ASAP1: variants seen among roughly 807,000 people sequenced by gnomAD.
ASAP1 encodes the protein ArfGAP with SH3 domain, ankyrin repeat and PH domain 1.
A neutral mutation model predicts 145.2 loss-of-function variants in ASAP1; 43 were observed. The observed-to-expected ratio is 0.30, with a 90% confidence interval of 0.23 to 0.38. The LOEUF is 0.38. ASAP1 is among the 10% of genes least tolerant of loss of function. ASAP1 has a pLI of 1.00. For missense variants in ASAP1, 1,018 were observed against 1,355.3 expected, an observed-to-expected ratio of 0.75 and a Z score of 3.91; for synonymous variants, 546 against 515.5, an observed-to-expected ratio of 1.06 and a Z score of -0.80.
In ASAP1 at chr8:130,358,938, T is replaced by C. The variant is rs886066343; in HGVS notation, c.60-795A>G. On this transcript the variant is annotated intron_variant, in intron 2 of 29. Coordinates refer to ENST00000518721, the MANE Select transcript of ASAP1 (RefSeq NM_018482.4). The surrounding 1 kb of genome is among the most constrained non-coding windows in gnomAD (Gnocchi z 4.1). The stretch of plus-strand genomic sequence containing the variant: ...GCCCAAAAAAGTTGTACGTGTTCTT[T>C]TTTAGTCGCGTGTGGGTGCAGGAAG... Among the ~76,000 whole-genome samples, 2 of 152,048 alleles carry C rather than the reference T, an allele frequency of 1.3e-5. No individual in the cohort carries two copies. The highest frequency in any genetic ancestry group is 2.9e-5 in the Non-Finnish European group (2 of 67,978).
intron 1 of ASAP1, among the ~76,000 whole-genome samples, chr8:130,418,564 A>C (rs1829584209): frequency 6.6e-6 from 1 of 151,664 alleles, no homozygotes; most frequent in African/African-American, 2.4e-5. Flanking sequence ...ATAAATAAAT[A>C]AATAAATAAA....
intron 2 of ASAP1, among the ~76,000 whole-genome samples, chr8:130,389,364 A>C (rs146065260): frequency 0.033 from 5,036 of 152,308 alleles, 105 homozygotes; most frequent in African/African-American, 0.064. Context: ...AGTCCAGGAC[A>C]AGGGAAAAAA....
intron 3 of ASAP1, among the ~76,000 whole-genome samples, chr8:130,296,456 T>C (rs567267832): frequency 9.7e-4 from 147 of 151,632 alleles, no homozygotes; most frequent in Non-Finnish European, 1.7e-3. Flanking sequence ...TGTGGAGGGA[T>C]TGGTAAGCAG....
At chr8:130,408,120 C>T (rs1175253908) in intron 1 of ASAP1, among the ~76,000 whole-genome samples, 1 of 152,218 alleles carries the variant, frequency 6.6e-6, no homozygotes, top group Non-Finnish European at 1.5e-5. Flanking sequence ...ACTTTCCCAG[C>T]CCAGTAATCT....
At chr8:130,199,950 T>A (rs1019812835) in intron 5 of ASAP1, among the ~76,000 whole-genome samples, 1 of 152,252 alleles carries the variant, frequency 6.6e-6, no homozygotes, top group Non-Finnish European at 1.5e-5. Flanking sequence ...ATGTTCACTA[T>A]GAAACTTCTG....
At chr8:130,130,402 A>G (rs2097581205) in intron 15 of ASAP1, among the ~76,000 whole-genome samples, 1 of 152,198 alleles carries the variant, frequency 6.6e-6, no homozygotes, top group Admixed American at 6.5e-5. Context: ...AAATAAATAA[A>G]GAAGTTTGTC....
chr8:130,092,494 G>C (rs1168390827), intron 24 of ASAP1, among the ~76,000 whole-genome samples: 2 of 152,220 alleles, frequency 1.3e-5, no homozygotes, highest in East Asian at 3.9e-4. Context: ...AGGTGTGGTG[G>C]TGTGTGCTTG....
chr8:130,115,122 A>C (rs1469178852), intron 23 of ASAP1, among the ~76,000 whole-genome samples: 1 of 152,208 alleles, frequency 6.6e-6, no homozygotes, highest in Non-Finnish European at 1.5e-5. Context: ...ATACTAGTCT[A>C]GATGTTGCTG....
At chr8:130,248,883 G>A (rs1819020964) in intron 3 of ASAP1, among the ~76,000 whole-genome samples, 1 of 152,082 alleles carries the variant, frequency 6.6e-6, no homozygotes, top group African/African-American at 2.4e-5. Context: ...CTTTTCCCAA[G>A]AGGCCACAAA....
At position 130,148,896 on chromosome 8, in the gene ASAP1, G is replaced by A. The variant is rs527893313; in HGVS notation, c.1080+3840C>T. Among the ~76,000 whole-genome samples, 961 of 151,912 alleles carry A rather than the reference G, an allele frequency of 6.3e-3. 9 individuals carry two copies. Among genetic ancestry groups the A allele is most frequent in the African/African-American group, 0.022 (928 of 41,418 alleles). On this transcript the variant is annotated intron_variant, in intron 13 of 29. Coordinates refer to ENST00000518721, the MANE Select transcript of ASAP1 (RefSeq NM_018482.4). ...GTCGCCCAGGCTGGAGTGCAGTGGC[G>A]CAATCTTGGCTCACTGCGGCCTCTG...
chr8:130,098,070 A>G (rs78010453), intron 24 of ASAP1, among the ~76,000 whole-genome samples: 421 of 152,306 alleles, frequency 2.8e-3, no homozygotes, highest in Middle Eastern at 6.8e-3. Context: ...GAGCTAAAAC[A>G]CAGTATTTAA....
chr8:130,128,980 C>T (rs36065517), intron 15 of ASAP1, among the ~76,000 whole-genome samples: 4 of 152,094 alleles, frequency 2.6e-5, no homozygotes, highest in African/African-American at 9.7e-5. Context: ...ATAATCCCCA[C>T]GTGTCTGGGG....
intron 3 of ASAP1, among the ~76,000 whole-genome samples, chr8:130,258,496 C>T (rs1819702782): frequency 6.6e-6 from 1 of 152,326 alleles, no homozygotes; most frequent in East Asian, 1.9e-4. Context: ...TCCTTCATTA[C>T]TTTCCAGTTG....
chr8:130,160,207 CCTCTA>C, intron 11 of ASAP1: 3 of 500,336 alleles, frequency 6.0e-6, no homozygotes, highest in Non-Finnish European at 1.1e-5. Context: ...TCAAAACCCA[CCTCTA>C]CTCTGAACTG....
chr8:130,347,332 G>A (rs1040005339), intron 3 of ASAP1, among the ~76,000 whole-genome samples: 2 of 152,200 alleles, frequency 1.3e-5, no homozygotes, highest in Non-Finnish European at 1.5e-5. Flanking sequence ...AATGAGTACA[G>A]AGCAGAAAGG....
chr8:130,213,462 T>C (rs545796870), intron 5 of ASAP1, among the ~76,000 whole-genome samples: 4 of 152,200 alleles, frequency 2.6e-5, no homozygotes, highest in African/African-American at 9.6e-5. Flanking sequence ...TAAACTAACC[T>C]TTTGTATCTA....
At chr8:130,159,808 G>T in intron 12 of ASAP1, 56 bp downstream of exon 12, 1 of 1,403,722 alleles carries the variant, frequency 7.1e-7, no homozygotes, top group Non-Finnish European at 1.0e-6. Flanking sequence ...ATGAGAGACT[G>T]GAAACATTTT....
intron 13 of ASAP1, among the ~76,000 whole-genome samples, chr8:130,148,366 A>G (rs2097637906): frequency 6.6e-6 from 1 of 152,252 alleles, no homozygotes; most frequent in Non-Finnish European, 1.5e-5. Context: ...TTAGAAAAGT[A>G]TTCACTGAGC....
intron 13 of ASAP1, among the ~76,000 whole-genome samples, chr8:130,145,995 C>G (rs905771463): frequency 1.3e-4 from 20 of 150,938 alleles, no homozygotes; most frequent in Admixed American, 2.0e-4. Flanking sequence ...GCATGTGCCA[C>G]CATACCTGGC....
Sources: allele counts gnomAD v4.1 joint callset (sites outside exome capture counted in the v4.1 genomes callset), GRCh38; gene constraint gnomAD v4.1.1; non-coding constraint Gnocchi (gnomAD v3.1); transcripts MANE v1.5; gene names NCBI Gene and HGNC (gene_info 2026-07-23, HGNC 2026-07-21).